The following SLC25A13 variants were observed in gnomAD, a reference collection of about 807,000 sequenced individuals.
SLC25A13 encodes the protein electrogenic aspartate/glutamate antiporter SLC25A13, mitochondrial.
SLC25A13 carries 70 observed loss-of-function variants against 85.5 expected under a neutral mutation model. The ratio of observed to expected loss-of-function variants is 0.82; its 90% CI spans 0.68 to 1.00. The LOEUF is 1.00. SLC25A13 is among the 50% of genes least tolerant of loss of function. The pLI is 0.00. For synonymous variants in SLC25A13, 259 were observed against 288.7 expected (o/e 0.90, Z 1.04); for missense variants, 765 against 819.8 (o/e 0.93, Z 0.82).
At chr7:96,124,140 C>G (rs1791630135) in intron 15 of SLC25A13, among the ~76,000 whole-genome samples, 2 of 152,088 alleles carry the variant, frequency 1.3e-5, no homozygotes. Flanking sequence ...TCAAAGGGGG[C>G]CCAGCTAGAG....
intron 5 of SLC25A13, among the ~76,000 whole-genome samples, chr7:96,195,149 C>T (rs182641402): frequency 6.0e-4 from 91 of 152,324 alleles, no homozygotes; most frequent in Non-Finnish European, 1.1e-3. Flanking sequence ...AATATATCCA[C>T]GTGGGTATCG....
chr7:96,133,824 A>C (rs1003293761), intron 14 of SLC25A13, among the ~76,000 whole-genome samples: 13 of 152,016 alleles, frequency 8.6e-5, no homozygotes, highest in African/African-American at 3.1e-4. Flanking sequence ...CGGGAGACTG[A>C]GGCAGAAGAA....
At chr7:96,158,775 G>T (rs1793385296) in intron 13 of SLC25A13, among the ~76,000 whole-genome samples, 1 of 152,188 alleles carries the variant, frequency 6.6e-6, no homozygotes, top group African/African-American at 2.4e-5. Context: ...TAAATGTCTA[G>T]TGATTTATGT....
intron 5 of SLC25A13, among the ~76,000 whole-genome samples, chr7:96,193,964 T>G (rs1562832395): frequency 6.6e-6 from 1 of 152,184 alleles, no homozygotes; most frequent in Non-Finnish European, 1.5e-5. Context: ...AGAGCTCTGT[T>G]GCTATTCCCA....
At chr7:96,252,401 G>A (rs1283894286) in intron 3 of SLC25A13, among the ~76,000 whole-genome samples, 1 of 152,194 alleles carries the variant, frequency 6.6e-6, no homozygotes, top group African/African-American at 2.4e-5. Context: ...CAAGCAATAG[G>A]AAAGAATGCT....
At chr7:96,172,556 CA>C (rs977929977) in intron 11 of SLC25A13, among the ~76,000 whole-genome samples, 273 of 135,060 alleles carry the variant, frequency 2.0e-3, no homozygotes, top group Middle Eastern at 3.9e-3. Flanking sequence ...GACTCTGCCT[CA>C]AAAAAAAAAA....
intron 14 of SLC25A13, 143 bp downstream of exon 14, chr7:96,146,413 T>G (rs1349408411): frequency 2.0e-6 from 2 of 1,023,792 alleles, no homozygotes; most frequent in Non-Finnish European, 2.9e-6. Flanking sequence ...CTAATTGGCA[T>G]GAAGGTGCCT....
At position 96,257,659 on chromosome 7, in the gene SLC25A13, C is replaced by T. The variant is rs372334603; in HGVS notation, c.212+19537G>A. 3.2e-3 allele frequency among the ~76,000 whole-genome samples: 491 copies of T among 152,284 alleles called. 8 individuals carry two copies. The South Asian group carries it at 0.034, about 11-fold the overall frequency. On this transcript the variant is annotated intron_variant, in intron 3 of 17. Coordinates refer to ENST00000265631, the MANE Select transcript of SLC25A13 (RefSeq NM_014251.3). ...GTACAAAGAGGAGCTGGTACCATTC[C>T]TTCTGAAACTATTCCAAACAATAGA... is the stretch of plus-strand genomic sequence containing the variant.
intron 1 of SLC25A13, among the ~76,000 whole-genome samples, chr7:96,299,813 A>G (rs1307480790): frequency 1.3e-5 from 2 of 152,230 alleles, no homozygotes; most frequent in Non-Finnish European, 2.9e-5. Context: ...CAAATGAGAT[A>G]GCCTATTGCT....
chr7:96,133,422 T>G (rs1792122164), intron 14 of SLC25A13, among the ~76,000 whole-genome samples: 1 of 152,186 alleles, frequency 6.6e-6, no homozygotes, highest in African/African-American at 2.4e-5. Context: ...CTATCAATTG[T>G]GCATTTACCG....
At chr7:96,241,783 G>A (rs887690893) in intron 3 of SLC25A13, among the ~76,000 whole-genome samples, 2 of 151,892 alleles carry the variant, frequency 1.3e-5, no homozygotes, top group Non-Finnish European at 2.9e-5. Flanking sequence ...AGTGGCAGGA[G>A]GACTATATAA....
chr7:96,245,398 C>T (rs377528819), intron 3 of SLC25A13, among the ~76,000 whole-genome samples: 7 of 152,136 alleles, frequency 4.6e-5, no homozygotes, highest in African/African-American at 1.7e-4. Context: ...ACGGCCAATC[C>T]CTACAAAGAT....
chr7:96,310,818 AT>A (rs915217054), intron 1 of SLC25A13, among the ~76,000 whole-genome samples: 3 of 152,072 alleles, frequency 2.0e-5, no homozygotes, highest in Non-Finnish European at 4.4e-5. Flanking sequence ...GTTGTGTTGG[AT>A]TTTTTTAATT....
intron 15 of SLC25A13, among the ~76,000 whole-genome samples, chr7:96,125,523 G>C (rs955029131): frequency 3.3e-5 from 5 of 152,102 alleles, no homozygotes; most frequent in African/African-American, 9.7e-5. Flanking sequence ...ACATAATTAC[G>C]ACTCAAGACA....
intron 13 of SLC25A13, among the ~76,000 whole-genome samples, chr7:96,158,037 G>A (rs1407959872): frequency 1.3e-5 from 2 of 152,136 alleles, no homozygotes; most frequent in Admixed American, 6.5e-5. Flanking sequence ...TTTTCACAAT[G>A]ATAGGAAATA....
At chr7:96,304,987 A>G (rs1461785916) in intron 1 of SLC25A13, among the ~76,000 whole-genome samples, 2 of 152,228 alleles carry the variant, frequency 1.3e-5, no homozygotes, top group Non-Finnish European at 2.9e-5. Flanking sequence ...CGGATCACTT[A>G]TTATTAATTA....
At chr7:96,153,209 C>T (rs1333949146) in intron 13 of SLC25A13, among the ~76,000 whole-genome samples, 1 of 152,112 alleles carries the variant, frequency 6.6e-6, no homozygotes, top group Non-Finnish European at 1.5e-5. Flanking sequence ...CATAGTTGTC[C>T]TTACTATTTA....
chr7:96,158,514 T>C (rs917384574), intron 13 of SLC25A13, among the ~76,000 whole-genome samples: 1 of 152,216 alleles, frequency 6.6e-6, no homozygotes, highest in Non-Finnish European at 1.5e-5. Flanking sequence ...AGAGGCAAAA[T>C]GTATATGAAG....
intron 5 of SLC25A13, among the ~76,000 whole-genome samples, chr7:96,204,857 A>C (rs1795399052): frequency 6.6e-6 from 1 of 152,216 alleles, no homozygotes; most frequent in African/African-American, 2.4e-5. Flanking sequence ...TTTGCCCGAC[A>C]TGAGTAATCA....
Sources: allele counts gnomAD v4.1 joint callset (sites outside exome capture counted in the v4.1 genomes callset), GRCh38; gene constraint gnomAD v4.1.1; transcripts MANE v1.5; gene names NCBI Gene and HGNC (gene_info 2026-07-23, HGNC 2026-07-21).